Variants in KRT15 observed in about 807,000 individuals in gnomAD.
KRT15 encodes keratin 15, also known as keratin, type I cytoskeletal 15.
A neutral mutation model predicts 46.6 loss-of-function variants in KRT15; 45 were observed. The observed-to-expected ratio is 0.97, with a 90% CI of 0.76 to 1.24. The LOEUF is 1.24. Ranked by LOEUF, KRT15 falls within the 50% of genes most tolerant of loss-of-function variation. The pLI is 0.00. For synonymous variants in KRT15, 221 were observed against 233.8 expected (o/e 0.95, Z 0.50); for missense variants, 592 against 588.9 (o/e 1.01, Z -0.05).
rs757934023 is a variant in KRT15 at position 41,518,581 on chromosome 17, C to A, written c.247G>T (p.Gly83Trp). ...AGSVFGGGFG[G>W]GVGGGFGGGF... The stretch of plus-strand genomic sequence containing the variant: ...CCACCAAAACCCCCACCAACGCCCC[C>A]TCCAAAGCCTCCACCGAAAACACTA... Residue 83 changes from glycine (G) to tryptophan (W), a missense_variant, in exon 1 of 8, where the codon GGG becomes TGG. By Grantham distance (184) the Gly-to-Trp change is radical. Coordinates refer to ENST00000254043, the MANE Select transcript of KRT15 (RefSeq NM_002275.4). 6.2e-7 allele frequency: 1 copy of A among 1,613,922 alleles called. No homozygotes were observed. Among genetic ancestry groups the A allele is most frequent in the Admixed American group, 1.7e-5 (1 of 60,004 alleles).
In KRT15 at chr17:41,515,131, T is replaced by G. The variant is rs377191412; in HGVS notation, c.1247+341A>C. The G allele has an allele frequency of 7.6e-5, 26 of 343,664 alleles. No individual in the cohort carries two copies. The East Asian group carries it at 1.1e-3, about 15-fold the overall frequency. 21.3% of individuals were successfully genotyped at this position (343,664 alleles called of 1,614,324 possible). On this transcript the variant is annotated intron_variant, in intron 6 of 7. Coordinates refer to ENST00000254043, the MANE Select transcript of KRT15 (RefSeq NM_002275.4). ...ATCCACCCGCCTTGGACTCCCAAAGTGCTGGGATTACAGGCATGAGCCACT... is the reference window on the plus strand; with the variant it reads ...ATCCACCCGCCTTGGACTCCCAAAGGGCTGGGATTACAGGCATGAGCCACT...
chr17:41,516,485 G>A lies in KRT15; in HGVS notation c.739-220C>T, dbSNP rs147947605. 5.9e-3 allele frequency among the ~76,000 whole-genome samples: 901 copies of A among 152,250 alleles called. 14 individuals carry two copies. The highest frequency in any genetic ancestry group is 0.021 in the African/African-American group (863 of 41,550). On this transcript the variant is annotated intron_variant, in intron 3 of 7. Coordinates refer to ENST00000254043, the MANE Select transcript of KRT15 (RefSeq NM_002275.4). ...GACCCCGAGACTGTAGGGCCCTGAT[G>A]TGAGCTCACAAAGCCAATCAGGAAG...
chr17:41,518,525 G>A lies in KRT15; in HGVS notation c.303C>T (p.Leu101=). 1 of 1,613,978 alleles carries A rather than the reference G, an allele frequency of 6.2e-7. No individual in the cohort carries two copies. The highest frequency in any genetic ancestry group is 1.3e-5 in the African/African-American group (1 of 74,950). ...GCATGGTAATTTTCTCATTGCCAGA[G>A]AGGAGACCACCATCGCCACCACCAA... is the stretch of plus-strand genomic sequence containing the variant. ...GGFGGGDGGL[L]SGNEKITMQN... is the part of the protein sequence containing the mutation. Residue 101 remains leucine, a synonymous_variant, in exon 1 of 8, where the codon CTC becomes CTT. Transcript: ENST00000254043.
rs377296565 is a variant in KRT15 at position 41,515,699 on chromosome 17, G to T, written c.1027-7C>A. Reference sequence around the variant, plus strand: ...AGTTCTCCAGCCCAGCTTTCTGGGGGAGTGACAGATGCATAGACACATCAG... The same window carrying T: ...AGTTCTCCAGCCCAGCTTTCTGGGGTAGTGACAGATGCATAGACACATCAG... On this transcript the variant is annotated splice_polypyrimidine_tract_variant and splice_region_variant and intron_variant, in intron 5 of 7. Transcript: ENST00000254043. The T allele has an allele frequency of 5.1e-5, 82 of 1,613,276 alleles. No homozygotes were observed. The African/African-American group carries it at 1.1e-3, about 21-fold the overall frequency.
At position 41,518,350 on chromosome 17, in the gene KRT15, T is replaced by C. The variant is rs147353121; in HGVS notation, c.478A>G (p.Ile160Val). ...CTCACCTTGTCCCGGAGCTCTTCAATGGTCTTGAAGTATTGGCTGTAGTCG... is the reference window on the plus strand; with the variant it reads ...CTCACCTTGTCCCGGAGCTCTTCAACGGTCTTGAAGTATTGGCTGTAGTCG... ...ECDYSQYFKT[I>V]EELRDKIMAT... Residue 160 changes from isoleucine (I) to valine (V), a missense_variant, in exon 1 of 8, where the codon ATT becomes GTT. Transcript: ENST00000254043. The C allele has an allele frequency of 1.6e-4, 258 of 1,613,114 alleles. No individual in the cohort carries two copies. The African/African-American group carries it at 2.6e-3, about 16-fold the overall frequency.
Position 41,515,995 on chromosome 17 carries a change from T to C in KRT15, c.916A>G (p.Lys306Glu), listed in dbSNP as rs1280791852. The C allele has an allele frequency of 1.9e-6, 3 of 1,614,068 alleles. No individual in the cohort carries two copies. The highest frequency in any genetic ancestry group is 1.6e-4 in the Middle Eastern group (1 of 6,084). Residue 306 changes from lysine to glutamate, a missense_variant, in exon 5 of 8, where the codon AAA becomes GAA. Coordinates refer to ENST00000254043, the MANE Select transcript of KRT15 (RefSeq NM_002275.4). ...ATTTCTGTGTTGGAGGCCACCTCTT[T>C]GTTCAGCTCCTCAGTCTGTAGGTCA... ...WFFSKTEELNKEVASNTEMIQ... is the reference protein window; with the variant it reads ...WFFSKTEELNEEVASNTEMIQ...
At position 41,514,065 on chromosome 17, in the gene KRT15, T is replaced by A. The variant is rs769138744; in HGVS notation, c.1329A>T (p.Ser443=). ...SSNFHINVEE[S]VDGQVVSSHK... is the part of the protein sequence containing the mutation. ...GGGAAGAAACCACCTGTCCATCCAC[T>A]GACTCTTCTACATTGATGTGGAAAT... is the stretch of plus-strand genomic sequence containing the variant. Residue 443 remains serine (S), a synonymous_variant, in exon 8 of 8, where the codon TCA becomes TCT. Coordinates refer to ENST00000254043, the MANE Select transcript of KRT15 (RefSeq NM_002275.4). 2 of 1,614,072 alleles carry A rather than the reference T, an allele frequency of 1.2e-6. No individual in the cohort carries two copies. Among genetic ancestry groups the A allele is most frequent in the African/African-American group, 2.7e-5 (2 of 74,948 alleles).
At chr17:41,514,316 C>T (rs758515882) in intron 7 of KRT15, 196 bp from the exon 8 acceptor site, 13 of 605,626 alleles carry the variant, frequency 2.1e-5, no homozygotes, top group East Asian at 5.5e-5. Flanking sequence ...CAGGTATGCC[C>T]GGCAGGGAGC....
intron 2 of KRT15, 58 bp downstream of exon 2, chr17:41,517,025 A>C (rs764996446): frequency 3.7e-6 from 6 of 1,613,940 alleles, no homozygotes; most frequent in Non-Finnish European, 4.2e-6. Context: ...AGTCAGAGCC[A>C]GGAGAAGGCC....
Position 41,514,124 on chromosome 17 carries a change from G to A in KRT15, c.1274-4C>T. ...CTACCACCACCTCCTGAAGAGGCTA[G>A]AGAGAGAAGGAGTAGGCTTTAGAGT... On this transcript the variant is annotated splice_polypyrimidine_tract_variant and splice_region_variant and intron_variant, in intron 7 of 7. Transcript: ENST00000254043. 1 of 1,610,760 alleles carries A rather than the reference G, an allele frequency of 6.2e-7. No homozygotes were observed. The highest frequency in any genetic ancestry group is 1.3e-5 in the African/African-American group (1 of 74,968).
chr17:41,517,837 T>C (rs1323536879), intron 1 of KRT15, among the ~76,000 whole-genome samples: 2 of 152,156 alleles, frequency 1.3e-5, no homozygotes, highest in African/African-American at 4.8e-5. Flanking sequence ...AAAGGAATAC[T>C]TTATGCAGAA....
chr17:41,517,602 G>A (rs1905448944), intron 1 of KRT15: 1 of 197,312 alleles, frequency 5.1e-6, no homozygotes. Flanking sequence ...ATTCCAGCCA[G>A]TAGCAACCTG....
At position 41,515,615 on chromosome 17, in the gene KRT15, A is replaced by G. The variant is rs2144520590; in HGVS notation, c.1104T>C (p.Ile368=). ...CACTCAGCTGGGCCTCCAGGCCACCAATGAGCCCCTGGATCTGCTGCAGCT... is the reference window on the plus strand; with the variant it reads ...CACTCAGCTGGGCCTCCAGGCCACCGATGAGCCCCTGGATCTGCTGCAGCT... ...ATQLQQIQGL[I]GGLEAQLSEL... The change falls in exon 6 of 8, where the codon ATT becomes ATC. Residue 368 remains isoleucine, a synonymous_variant. Coordinates refer to ENST00000254043, the MANE Select transcript of KRT15 (RefSeq NM_002275.4). 1 of 1,614,134 alleles carries G rather than the reference A, an allele frequency of 6.2e-7. No homozygotes were observed.
intron 3 of KRT15, 30 bp from the exon 4 acceptor site, chr17:41,516,295 C>A (rs114402158): frequency 1.9e-6 from 3 of 1,600,700 alleles, no homozygotes; most frequent in South Asian, 1.1e-5. Context: ...CACTTAGAGA[C>A]GGAGAGCAGA....
At position 41,518,519 on chromosome 17, in the gene KRT15, G is replaced by T. The variant is rs1444406931; in HGVS notation, c.309C>A (p.Gly103=). 1 of 1,613,850 alleles carries T rather than the reference G, an allele frequency of 6.2e-7. No homozygotes were observed. The highest frequency in any genetic ancestry group is 1.3e-5 in the African/African-American group (1 of 74,820). The part of the protein sequence containing the change: ...FGGGDGGLLS[G]NEKITMQNLN... ...GGTTCTGCATGGTAATTTTCTCATT[G>T]CCAGAGAGGAGACCACCATCGCCAC... The change falls in exon 1 of 8, where the codon GGC becomes GGA. Residue 103 remains glycine (G), a synonymous_variant. Coordinates refer to ENST00000254043, the MANE Select transcript of KRT15 (RefSeq NM_002275.4).
intron 1 of KRT15, among the ~76,000 whole-genome samples, chr17:41,517,900 T>A (rs934616127): frequency 1.3e-5 from 2 of 152,098 alleles, no homozygotes; most frequent in African/African-American, 4.8e-5. Flanking sequence ...TTTTTAATTA[T>A]TTTTATTTAA....
chr17:41,514,160 C>A (rs780454273), intron 7 of KRT15, 40 bp from the exon 8 acceptor site: 13 of 1,507,876 alleles, frequency 8.6e-6, no homozygotes, highest in Non-Finnish European at 1.2e-5. Flanking sequence ...GGGGGAACCT[C>A]CCCGCTCTGC....
rs564380589 is a variant in KRT15 at position 41,516,586 on chromosome 17, A to T, written c.738+222T>A. 2.0e-5 allele frequency among the ~76,000 whole-genome samples: 3 copies of T among 152,214 alleles called. No homozygotes were observed. The South Asian group carries it at 6.2e-4, about 32-fold the overall frequency. ...ACACTGCCCCTTCCTCTCCATGAGG[A>T]CACCTGGTTTTGTGGGGTAGGTGTG... On this transcript the variant is annotated intron_variant, in intron 3 of 7. Transcript: ENST00000254043.
chr17:41,516,082 C>A (rs1244903722), intron 4 of KRT15, 22 bp downstream of exon 4: 17 of 1,614,110 alleles, frequency 1.1e-5, no homozygotes, highest in Non-Finnish European at 1.4e-5. Context: ...GCAGGAAGGG[C>A]AGGGCAGGAT....
Sources: gnomAD v4.1 joint callset for allele counts (sites outside exome capture counted in the v4.1 genomes callset) on GRCh38, gnomAD v4.1.1 for gene constraint, MANE v1.5 for transcripts, NCBI Gene and HGNC (gene_info 2026-07-23, HGNC 2026-07-21) for gene names.